SKAP2: variants seen among roughly 807,000 people sequenced by gnomAD.
The protein encoded by SKAP2 is src kinase associated phosphoprotein 2.
A neutral mutation model predicts 54.9 loss-of-function variants in SKAP2; 28 were observed. That is an observed-to-expected ratio of 0.51 (90% CI 0.38 to 0.70). The LOEUF is 0.70. SKAP2 is among the 30% of genes least tolerant of loss of function. The pLI is 0.00. For missense variants in SKAP2, 356 were observed against 424.1 expected, an observed-to-expected ratio of 0.84 and a Z score of 1.41; for synonymous variants, 137 against 134.3, an observed-to-expected ratio of 1.02 and a Z score of -0.14.
chr7:26,804,603 G>C (rs888306763), intron 4 of SKAP2, among the ~76,000 whole-genome samples: 1 of 151,994 alleles, frequency 6.6e-6, no homozygotes, highest in African/African-American at 2.4e-5. Flanking sequence ...GCCAGGCATG[G>C]TGGCACGCAC....
At chr7:26,717,348 A>C (rs955710708) in intron 9 of SKAP2, among the ~76,000 whole-genome samples, 5 of 151,692 alleles carry the variant, frequency 3.3e-5, no homozygotes, top group East Asian at 1.9e-4. Context: ...CGTCTCTACA[A>C]AAAAATTAAA....
At chr7:26,841,390 T>A (rs1390546726) in intron 4 of SKAP2, among the ~76,000 whole-genome samples, 9 of 152,044 alleles carry the variant, frequency 5.9e-5, no homozygotes, top group Non-Finnish European at 1.5e-5. Flanking sequence ...TGGCAGGGTT[T>A]GGAAACTTTC....
intron 6 of SKAP2, among the ~76,000 whole-genome samples, chr7:26,730,412 T>G (rs1297970334): frequency 6.6e-6 from 1 of 152,134 alleles, no homozygotes; most frequent in African/African-American, 2.4e-5. Flanking sequence ...GCTTATTCCT[T>G]TAAGTGCCAA....
At chr7:26,825,574 AACAGTTAAAAAAAAAAAAAAAAAAGG>A (rs1390717563) in intron 4 of SKAP2, among the ~76,000 whole-genome samples, 1 of 119,418 alleles carries the variant, frequency 8.4e-6, no homozygotes, top group Non-Finnish European at 1.7e-5. Context: ...CCAAACAGCA[AACAGTTAAAAAAAAAAAAAAAAAAGG>A]AGAACTTTCA....
chr7:26,857,788 T>G lies in SKAP2; in HGVS notation c.68-2898A>C, dbSNP rs1317900126. 3.2e-6 allele frequency: 3 copies of G among 947,276 alleles called. No individual in the cohort carries two copies. The African/African-American group carries it at 5.3e-5, about 17-fold the overall frequency. The allele number at this position is 947,276 out of a possible 1,614,324, so 58.7% of individuals were successfully genotyped here. ...ATATTTCAAAAGCAAGCAATAAGAG[T>G]CTTGGGCGAATCAAGTGTTCCTCTG... On this transcript the variant is annotated intron_variant, in intron 1 of 12. Transcript: ENST00000345317.
chr7:26,734,811 T>G (rs1239144256), intron 6 of SKAP2, among the ~76,000 whole-genome samples: 1 of 152,134 alleles, frequency 6.6e-6, no homozygotes, highest in Admixed American at 6.6e-5. Flanking sequence ...GGTAAAGCCC[T>G]CATGCCTTAA....
chr7:26,779,622 G>A (rs1783384374), intron 4 of SKAP2, among the ~76,000 whole-genome samples: 1 of 151,932 alleles, frequency 6.6e-6, no homozygotes, highest in Admixed American at 6.6e-5. Context: ...TTCTTATTGG[G>A]ATTCTGAGGG....
intron 4 of SKAP2, among the ~76,000 whole-genome samples, chr7:26,839,263 G>T (rs1011627402): frequency 2.6e-5 from 4 of 151,960 alleles, no homozygotes; most frequent in African/African-American, 9.7e-5. Context: ...ATACCTTGAG[G>T]ATTAAAAATA....
At chr7:26,683,871 C>A (rs560482007) in intron 11 of SKAP2, among the ~76,000 whole-genome samples, 1 of 152,192 alleles carries the variant, frequency 6.6e-6, no homozygotes, top group East Asian at 1.9e-4. Flanking sequence ...AGAAAGAAAC[C>A]ACATCAACCT....
chr7:26,838,164 C>A (rs1347062110), intron 4 of SKAP2, among the ~76,000 whole-genome samples: 1 of 152,122 alleles, frequency 6.6e-6, no homozygotes, highest in Non-Finnish European at 1.5e-5. Context: ...AGGACAATAT[C>A]CCTCAAATCT....
chr7:26,826,949 T>C (rs1488537306), intron 4 of SKAP2, among the ~76,000 whole-genome samples: 1 of 152,228 alleles, frequency 6.6e-6, no homozygotes, highest in African/African-American at 2.4e-5. Flanking sequence ...TATTTTCTTT[T>C]AGAAAAGAAA....
chr7:26,857,450 C>T (rs1584430516), intron 1 of SKAP2: 1 of 984,842 alleles, frequency 1.0e-6, no homozygotes, highest in Non-Finnish European at 1.2e-6. Context: ...CTACACTTTA[C>T]CCGTTTCTTT....
chr7:26,737,939 T>G (rs1319086172), intron 6 of SKAP2, among the ~76,000 whole-genome samples: 1 of 152,184 alleles, frequency 6.6e-6, no homozygotes, highest in East Asian at 1.9e-4. Context: ...CTAACCATAT[T>G]CTCTAGGTTA....
At position 26,856,319 on chromosome 7, in the gene SKAP2, T is replaced by TA. The variant is rs544996750; in HGVS notation, c.68-1430dup. ...TGAGTTATATTAACAACTGATGTATTAAAAAATAAGTATCAAAATGAAATG... is the reference window on the plus strand; with the variant it reads ...TGAGTTATATTAACAACTGATGTATTAAAAAAATAAGTATCAAAATGAAATG... On this transcript the variant is annotated intron_variant, in intron 1 of 12. Transcript: ENST00000345317. Among the ~76,000 whole-genome samples, 108 of 151,750 alleles carry TA rather than the reference T, an allele frequency of 7.1e-4. 1 individual carries two copies. In the South Asian group the frequency reaches 0.011, roughly 16 times the overall value.
Position 26,725,500 on chromosome 7 carries a change from G to A in SKAP2, c.724C>T (p.His242Tyr), listed in dbSNP as rs759571033. The A allele has an allele frequency of 4.3e-6, 7 of 1,611,744 alleles. No individual in the cohort carries two copies. Among genetic ancestry groups the A allele is most frequent in the Middle Eastern group, 1.6e-4 (1 of 6,062 alleles). Reference sequence around the variant, plus strand: ...AGTGGATTGCTTATTGGTAGAGGATGATCAACATCATCATATAATTCTCCT... The same window carrying A: ...AGTGGATTGCTTATTGGTAGAGGATAATCAACATCATCATATAATTCTCCT... ...ERGELYDDVD[H>Y]PLPISNPLTS... is the part of the protein sequence containing the mutation. Residue 242 changes from histidine to tyrosine, a missense_variant, in exon 9 of 13, where the codon CAT (histidine) becomes TAT (tyrosine). Physicochemically the swap from His to Tyr is moderately conservative, Grantham distance 83. Coordinates refer to ENST00000345317, the MANE Select transcript of SKAP2 (RefSeq NM_003930.5).
At chr7:26,729,864 AC>A (rs1298139954) in intron 6 of SKAP2, among the ~76,000 whole-genome samples, 2 of 152,290 alleles carry the variant, frequency 1.3e-5, no homozygotes, top group East Asian at 3.9e-4. Context: ...TCAAAGAAAG[AC>A]CTAACTTTGC....
chr7:26,693,226 G>T (rs1019541206), intron 9 of SKAP2, among the ~76,000 whole-genome samples: 2 of 151,236 alleles, frequency 1.3e-5, no homozygotes, highest in African/African-American at 4.9e-5. Flanking sequence ...CAGCTACTCA[G>T]GAGACTGAGG....
chr7:26,762,409 A>G (rs1782952310), intron 4 of SKAP2, among the ~76,000 whole-genome samples: 2 of 152,368 alleles, frequency 1.3e-5, no homozygotes, highest in Non-Finnish European at 2.9e-5. Context: ...CTCTAGACAT[A>G]CAATTAATGT....
intron 4 of SKAP2, among the ~76,000 whole-genome samples, chr7:26,767,770 A>G (rs1217603022): frequency 1.3e-5 from 2 of 152,006 alleles, no homozygotes; most frequent in African/African-American, 4.8e-5. Context: ...GTTGTGCAGT[A>G]TTGAGTGAGT....
Sources: allele counts gnomAD v4.1 joint callset (sites outside exome capture counted in the v4.1 genomes callset), GRCh38; gene constraint gnomAD v4.1.1; transcripts MANE v1.5; gene names NCBI Gene and HGNC (gene_info 2026-07-23, HGNC 2026-07-21).